CDC73: variants seen among roughly 807,000 people sequenced by gnomAD.
CDC73 encodes the protein cell division cycle 73, also known as parafibromin.
Under a neutral mutation model 83.7 loss-of-function variants are expected in CDC73, and 21 were observed. The observed-to-expected ratio is 0.25, with a 90% confidence interval of 0.18 to 0.36. The LOEUF (loss-of-function observed/expected upper bound fraction) is 0.36, where lower values mean the gene tolerates loss of function less well. Among genes scored for constraint, CDC73 ranks in the 10% least tolerant of loss-of-function variants. The probability of loss-of-function intolerance (pLI) is 1.00; values close to 1 mark genes in which losing one functional copy is unlikely to be tolerated. For missense variants in CDC73, 342 were observed against 653.3 expected, an observed-to-expected ratio of 0.52 and a Z score of 5.19; for synonymous variants, 224 against 212.9, an observed-to-expected ratio of 1.05 and a Z score of -0.45.
At chr1:193,167,071 T>C (rs780452278) in intron 10 of CDC73, among the ~76,000 whole-genome samples, 3 of 152,186 alleles carry the variant, frequency 2.0e-5, no homozygotes, top group Non-Finnish European at 2.9e-5. Context: ...ATTCATTAAC[T>C]ATGTAATTGG....
chr1:193,190,885 A>C (rs1216213721), intron 10 of CDC73, among the ~76,000 whole-genome samples: 1 of 152,154 alleles, frequency 6.6e-6, no homozygotes, highest in East Asian at 1.9e-4. Flanking sequence ...GTGTTCTAGA[A>C]GTTTGTGAGG....
intron 16 of CDC73, 28 bp downstream of exon 16, chr1:193,249,899 G>T: frequency 6.2e-7 from 1 of 1,608,928 alleles, no homozygotes; most frequent in South Asian, 1.1e-5. Context: ...ATATGCTTGT[G>T]TGTGTTTTAT....
At chr1:193,204,094 CATAA>C (rs1553287337) in intron 11 of CDC73, among the ~76,000 whole-genome samples, 2 of 151,410 alleles carry the variant, frequency 1.3e-5, no homozygotes, top group South Asian at 2.1e-4. Context: ...AGCAGAAAGA[CATAA>C]ATAAAGTGAA....
intron 6 of CDC73, among the ~76,000 whole-genome samples, chr1:193,141,468 T>C (rs1344347241): frequency 2.6e-5 from 4 of 152,200 alleles, no homozygotes; most frequent in Admixed American, 2.6e-4. Flanking sequence ...CTTTGAACTT[T>C]CTGTAGGATG....
At chr1:193,141,244 T>A (rs988286390) in intron 6 of CDC73, 2 of 152,316 alleles carry the variant, frequency 1.3e-5, no homozygotes, top group Non-Finnish European at 2.9e-5. Context: ...TTGTCTTTTT[T>A]TATATTTCTG....
chr1:193,238,754 AAAG>A (rs1266370072), intron 15 of CDC73, among the ~76,000 whole-genome samples: 1 of 152,244 alleles, frequency 6.6e-6, no homozygotes, highest in African/African-American at 2.4e-5. Context: ...AAGTAGAGAA[AAAG>A]AAAACGTTAA....
chr1:193,133,748 A>C (rs994806694), intron 3 of CDC73, among the ~76,000 whole-genome samples: 1 of 152,202 alleles, frequency 6.6e-6, no homozygotes, highest in Non-Finnish European at 1.5e-5. Flanking sequence ...TAAAGGGCTA[A>C]TCTCACTAAT....
chr1:193,233,199 C>T, intron 14 of CDC73, 45 bp downstream of exon 14: 2 of 1,522,982 alleles, frequency 1.3e-6, no homozygotes, highest in Non-Finnish European at 1.8e-6. Flanking sequence ...GTGTTGAACC[C>T]AAGAGAATGA....
At chr1:193,134,596 A>G (rs7552985) in intron 3 of CDC73, among the ~76,000 whole-genome samples, 148,441 of 152,212 alleles carry the variant, frequency 0.98, 72,409 homozygotes, top group East Asian at 1. Context: ...GCGTGAACCC[A>G]GGAGGTGGAG....
At chr1:193,203,704 AC>A in intron 10 of CDC73, 90 bp from the exon 11 acceptor site, 1 of 1,025,068 alleles carries the variant, frequency 9.8e-7, no homozygotes, top group South Asian at 1.3e-5. Flanking sequence ...AGAACAAGAG[AC>A]AGAGAGATAT....
rs891130607 is a variant in CDC73, at chr1:193,122,504, A to C, written c.131+173A>C. 30 of 772,276 alleles carry C rather than the reference A, an allele frequency of 3.9e-5. 1 individual carries two copies. In the African/African-American group the frequency reaches 5.0e-4, roughly 13 times the overall value. The allele number at this position is 772,276 out of a possible 1,614,324, so 47.8% of individuals were successfully genotyped here. ...GTTGCACTTTTAGGGTAAGGAAAGA[A>C]GGGGCGGAGCTCTAGAGCAGTTCAT... On this transcript the variant is annotated intron_variant, in intron 1 of 16. Coordinates refer to ENST00000367435, the MANE Select transcript of CDC73 (RefSeq NM_024529.5).
At chr1:193,247,382 ATCTC>A (rs144859660) in intron 15 of CDC73, among the ~76,000 whole-genome samples, 2 of 149,378 alleles carry the variant, frequency 1.3e-5, no homozygotes, top group South Asian at 2.1e-4. Flanking sequence ...TTAGTCCCTC[ATCTC>A]TCTCTCTCTC....
At chr1:193,174,732 G>C (rs1317793095) in intron 10 of CDC73, among the ~76,000 whole-genome samples, 1 of 152,012 alleles carries the variant, frequency 6.6e-6, no homozygotes, top group East Asian at 1.9e-4. Context: ...AGTGTTCTAG[G>C]CATCATCCTT....
intron 10 of CDC73, among the ~76,000 whole-genome samples, chr1:193,185,572 A>G (rs1212142222): frequency 1.3e-5 from 2 of 151,810 alleles, no homozygotes; most frequent in African/African-American, 2.4e-5. Flanking sequence ...TGAAAAAAAA[A>G]CTCTTAAGGT....
At chr1:193,136,226 A>T (rs1043520133) in intron 5 of CDC73, among the ~76,000 whole-genome samples, 1 of 152,154 alleles carries the variant, frequency 6.6e-6, no homozygotes, top group South Asian at 2.1e-4. Context: ...AGATGTGGCT[A>T]TGTTTCTATA....
At chr1:193,163,738 T>C (rs1676383566) in intron 10 of CDC73, among the ~76,000 whole-genome samples, 1 of 152,132 alleles carries the variant, frequency 6.6e-6, no homozygotes, top group African/African-American at 2.4e-5. Flanking sequence ...TGTATAACTT[T>C]TAAAGCTTTA....
intron 15 of CDC73, among the ~76,000 whole-genome samples, chr1:193,242,850 G>A (rs1048484938): frequency 2.0e-5 from 3 of 152,106 alleles, no homozygotes; most frequent in African/African-American, 7.2e-5. Context: ...GCAAAAACAA[G>A]CAATTCTGAG....
intron 7 of CDC73, among the ~76,000 whole-genome samples, chr1:193,142,937 C>T (rs150628255): frequency 1.3e-5 from 2 of 152,116 alleles, no homozygotes; most frequent in African/African-American, 4.8e-5. Context: ...CCTCAATTTT[C>T]TCTTAAATGT....
intron 13 of CDC73, among the ~76,000 whole-genome samples, chr1:193,229,843 T>G (rs1481414872): frequency 6.6e-6 from 1 of 152,160 alleles, no homozygotes; most frequent in African/African-American, 2.4e-5. Flanking sequence ...TCTATATAAA[T>G]TCCCAAAACA....
Sources: allele counts gnomAD v4.1 joint callset (sites outside exome capture counted in the v4.1 genomes callset), GRCh38; gene constraint gnomAD v4.1.1; transcripts MANE v1.5; gene names NCBI Gene and HGNC (gene_info 2026-07-23, HGNC 2026-07-21).